Variants in PIR observed in about 807,000 individuals in gnomAD.
The protein encoded by PIR is pirin, also known as pirin (iron-binding nuclear protein).
A neutral mutation model predicts 24.2 loss-of-function variants in PIR; 22 were observed. That is an observed-to-expected ratio of 0.91 (90% CI 0.65 to 1.30). PIR has a LOEUF of 1.30. Ranked by LOEUF, PIR falls within the 50% of genes most tolerant of loss-of-function variation. The pLI is 0.00. For missense variants in PIR, 220 were observed against 220.3 expected, an observed-to-expected ratio of 1.00 and a Z score of 0.01; for synonymous variants, 80 against 79.6, an observed-to-expected ratio of 1.00 and a Z score of -0.03.
At chrX:15,457,476 T>C (rs747789391) in intron 4 of PIR, among the ~76,000 whole-genome samples, 1 of 112,071 alleles carries the variant, frequency 8.9e-6, no homozygotes, top group African/African-American at 3.2e-5. Flanking sequence ...ATTGCCATTA[T>C]AATTGTGCTT....
intron 5 of PIR, among the ~76,000 whole-genome samples, chrX:15,434,578 A>G (rs746543815): frequency 1.6e-4 from 18 of 111,158 alleles, no homozygotes; most frequent in African/African-American, 5.2e-4. Context: ...AGTTGAGAAC[A>G]TCAAGGAGGT....
At chrX:15,460,141 G>T (rs963251772) in intron 3 of PIR, among the ~76,000 whole-genome samples, 2 of 111,547 alleles carry the variant, frequency 1.8e-5, no homozygotes, top group African/African-American at 6.5e-5. Flanking sequence ...ATACATTGCT[G>T]GTGGAACGGT....
chrX:15,479,854 T>C (rs776204080), intron 2 of PIR, 33 bp from the exon 3 acceptor site: 7 of 830,029 alleles, frequency 8.4e-6, no homozygotes, highest in East Asian at 3.2e-5. Context: ...AGATTAGATA[T>C]GTCTTTTAAG....
chrX:15,464,044 A>G (rs965710121), intron 3 of PIR, among the ~76,000 whole-genome samples: 1 of 112,751 alleles, frequency 8.9e-6, no homozygotes, highest in African/African-American at 3.2e-5. Context: ...CAGTGTAGCC[A>G]TATAAGAGAA....
At chrX:15,422,164 C>T (rs1185627222) in intron 6 of PIR, among the ~76,000 whole-genome samples, 2 of 110,225 alleles carry the variant, frequency 1.8e-5, no homozygotes, top group Non-Finnish European at 3.8e-5. Flanking sequence ...TAATAAAGGC[C>T]TTATTATGAC....
chrX:15,405,270 T>C (rs1455398657), intron 7 of PIR, among the ~76,000 whole-genome samples: 4 of 112,233 alleles, frequency 3.6e-5, no homozygotes, highest in African/African-American at 1.3e-4. Context: ...CTATTATAAA[T>C]GGTTGAAACA....
intron 2 of PIR, among the ~76,000 whole-genome samples, chrX:15,484,339 G>A (rs1922691501): frequency 1.2e-5 from 1 of 81,338 alleles, no homozygotes; most frequent in Non-Finnish European, 2.3e-5. Flanking sequence ...TTTTGAGACA[G>A]GGTCTCATTC....
chrX:15,427,215 G>T lies in PIR; in HGVS notation c.481-1225C>A, dbSNP rs187814417. On this transcript the variant is annotated intron_variant, in intron 5 of 9. Transcript: ENST00000380420. The stretch of plus-strand genomic sequence containing the variant: ...TCACAAAATTAGTTATCTTGGGAAG[G>T]TTAGCAAGTAGAAAAGGATTTTAAA... Among the ~76,000 whole-genome samples the T allele has an allele frequency of 4.2e-3, 462 of 111,033 alleles. 2 individuals are homozygous for T. Among genetic ancestry groups the T allele is most frequent in the African/African-American group, 0.015 (445 of 30,554 alleles).
chrX:15,447,379 A>T (rs1926140940), intron 5 of PIR, among the ~76,000 whole-genome samples: 1 of 109,941 alleles, frequency 9.1e-6, no homozygotes, highest in Non-Finnish European at 1.9e-5. Context: ...CAGTGGCATG[A>T]TCTCGGCTCA....
intron 6 of PIR, 62 bp downstream of exon 6, chrX:15,425,844 T>C (rs375030091): frequency 1.5e-6 from 1 of 670,984 alleles, no homozygotes; most frequent in East Asian, 3.2e-5. Context: ...CAGCCTCTTG[T>C]TGGTTTTTTC....
chrX:15,426,900 C>T (rs990557881), intron 5 of PIR, among the ~76,000 whole-genome samples: 6 of 111,594 alleles, frequency 5.4e-5, no homozygotes, highest in African/African-American at 1.3e-4. Context: ...GTATACCTAA[C>T]AGTCACCTAA....
intron 8 of PIR, among the ~76,000 whole-genome samples, chrX:15,394,300 C>T (rs1185292508): frequency 8.9e-6 from 1 of 112,089 alleles, no homozygotes. Flanking sequence ...TTACACTAAA[C>T]AAGCAAAAAA....
chrX:15,458,565 G>A (rs979960239), intron 4 of PIR, among the ~76,000 whole-genome samples: 1 of 111,801 alleles, frequency 8.9e-6, no homozygotes, highest in Non-Finnish European at 1.9e-5. Context: ...CTTGAGCTGG[G>A]GAGGTCGAGG....
intron 3 of PIR, among the ~76,000 whole-genome samples, chrX:15,467,340 G>A (rs1361552637): frequency 2.7e-5 from 3 of 112,304 alleles, no homozygotes; most frequent in Non-Finnish European, 5.6e-5. Flanking sequence ...AAATGCTGAC[G>A]GCATATTGCC....
intron 5 of PIR, among the ~76,000 whole-genome samples, chrX:15,453,764 C>T (rs1355686828): frequency 8.9e-6 from 1 of 111,771 alleles, no homozygotes; most frequent in African/African-American, 3.3e-5. Flanking sequence ...CTTGAAAGTG[C>T]TTTACTGGCT....
chrX:15,432,887 G>C (rs1925556408), intron 5 of PIR, among the ~76,000 whole-genome samples: 1 of 112,097 alleles, frequency 8.9e-6, no homozygotes, highest in African/African-American at 3.2e-5. Context: ...TTTTTGCTGA[G>C]GGACTAGATG....
intron 3 of PIR, among the ~76,000 whole-genome samples, chrX:15,470,600 CTTTTTT>C (rs1185040119): frequency 4.4e-5 from 2 of 45,106 alleles, no homozygotes; most frequent in African/African-American, 1.4e-4. Flanking sequence ...TTCTTTCTTT[CTTTTTT>C]TTTTTTTTTT....
At chrX:15,448,961 C>T (rs1926195953) in intron 5 of PIR, among the ~76,000 whole-genome samples, 1 of 112,236 alleles carries the variant, frequency 8.9e-6, no homozygotes, top group South Asian at 3.7e-4. Context: ...GTATCTTATT[C>T]ACATTGTATC....
intron 5 of PIR, among the ~76,000 whole-genome samples, chrX:15,451,806 G>C (rs1221045526): frequency 2.7e-5 from 3 of 112,174 alleles, no homozygotes; most frequent in Non-Finnish European, 5.6e-5. Flanking sequence ...CTGTCCATCA[G>C]AAGAAAGATT....
Sources: allele counts gnomAD v4.1 joint callset (sites outside exome capture counted in the v4.1 genomes callset), GRCh38; gene constraint gnomAD v4.1.1; transcripts MANE v1.5; gene names NCBI Gene and HGNC (gene_info 2026-07-23, HGNC 2026-07-21).